AGBL3: variants seen among roughly 807,000 people sequenced by gnomAD.
The protein encoded by AGBL3 is cytosolic carboxypeptidase 3.
In AGBL3, 68 loss-of-function variants were observed where a neutral mutation model predicts 94.5. The observed-to-expected ratio is 0.72, with a 90% confidence interval of 0.59 to 0.88. The LOEUF (loss-of-function observed/expected upper bound fraction) is 0.88, where lower values mean the gene tolerates loss of function less well. Among genes scored for constraint, AGBL3 ranks in the 40% least tolerant of loss-of-function variants. The pLI is 0.00. For synonymous variants in AGBL3, 354 were observed against 370.7 expected, an observed-to-expected ratio of 0.95 and a Z score of 0.52; for missense variants, 934 against 1,103.8, an observed-to-expected ratio of 0.85 and a Z score of 2.18.
chr7:135,090,215 C>T (rs1394096178), intron 15 of AGBL3, among the ~76,000 whole-genome samples: 2 of 152,166 alleles, frequency 1.3e-5, no homozygotes, highest in African/African-American at 4.8e-5. Flanking sequence ...ATATCACAGA[C>T]TCTGTGAGGC....
At chr7:135,030,158 T>TAAAAAAAAAAAAAAA (rs74392929) in intron 5 of AGBL3, among the ~76,000 whole-genome samples, 1 of 117,424 alleles carries the variant, frequency 8.5e-6, no homozygotes, top group African/African-American at 3.1e-5. Flanking sequence ...TTTAATTTGT[T>TAAAAAAAAAAAAAAA]AAAAAAAAAA....
intron 13 of AGBL3, among the ~76,000 whole-genome samples, chr7:135,076,799 CAG>C (rs34530228): frequency 0.44 from 66,296 of 151,380 alleles, 15,117 homozygotes; most frequent in East Asian, 0.77. Flanking sequence ...AAAATAAAAA[CAG>C]TGGTACTGAA....
chr7:135,107,986 T>TA (rs1427920566), intron 15 of AGBL3, among the ~76,000 whole-genome samples: 1 of 152,106 alleles, frequency 6.6e-6, no homozygotes, highest in Admixed American at 6.5e-5. Flanking sequence ...CTTTTTTTTT[T>TA]ATCTTTGTTG....
rs546049440 is a variant in AGBL3, at chr7:135,002,735, C to T, written c.310+9057C>T. Among the ~76,000 whole-genome samples the T allele has an allele frequency of 9.2e-5, 14 of 152,258 alleles. 1 individual carries two copies. In the South Asian group the frequency reaches 2.9e-3, roughly 32 times the overall value. On this transcript the variant is annotated intron_variant, in intron 4 of 16. Coordinates refer to ENST00000436302, the MANE Select transcript of AGBL3 (RefSeq NM_178563.4). ...GCTGCACAATGAGAGTACCTATTTT[C>T]CCATACTCTCATCAATACTGTTAAT...
intron 11 of AGBL3, among the ~76,000 whole-genome samples, chr7:135,055,307 C>T (rs1330592374): frequency 6.6e-6 from 1 of 152,132 alleles, no homozygotes; most frequent in Non-Finnish European, 1.5e-5. Flanking sequence ...CTAGAACTTC[C>T]AGTATGATAC....
At chr7:135,048,825 A>C (rs1817616004) in intron 11 of AGBL3, among the ~76,000 whole-genome samples, 1 of 151,282 alleles carries the variant, frequency 6.6e-6, no homozygotes, top group Non-Finnish European at 1.5e-5. Flanking sequence ...GGAAACAGGG[A>C]CAATTTTACT....
At chr7:135,040,299 C>A (rs12707200) in intron 8 of AGBL3, among the ~76,000 whole-genome samples, 67,383 of 151,956 alleles carry the variant, frequency 0.44, 15,570 homozygotes, top group East Asian at 0.78. Context: ...GATACCAACA[C>A]AAGACAAACA....
At chr7:135,054,113 C>A (rs1038948967) in intron 11 of AGBL3, among the ~76,000 whole-genome samples, 1 of 152,180 alleles carries the variant, frequency 6.6e-6, no homozygotes, top group African/African-American at 2.4e-5. Context: ...TGGCAGCCTT[C>A]TATATAATTT....
chr7:135,051,086 GA>G, intron 11 of AGBL3: 1 of 415,902 alleles, frequency 2.4e-6, no homozygotes. Flanking sequence ...ATAATAACTG[GA>G]AAATTCAATG....
At chr7:135,019,902 AAAATT>A (rs1228444238) in intron 5 of AGBL3, among the ~76,000 whole-genome samples, 1 of 152,256 alleles carries the variant, frequency 6.6e-6, no homozygotes, top group Non-Finnish European at 1.5e-5. Context: ...ACATTATACA[AAAATT>A]AATTTAAGAT....
In AGBL3 at chr7:135,032,997, T is replaced by C. The variant is rs1277174963; in HGVS notation, c.557+15T>C. 1 of 1,536,704 alleles carries C rather than the reference T, an allele frequency of 6.5e-7. No individual in the cohort carries two copies. Among genetic ancestry groups the C allele is most frequent in the Non-Finnish European group, 8.8e-7 (1 of 1,141,034 alleles). ...GTAGTCAAAGTGTAGGTTCTAATTA[T>C]TTTTATTTAAGGAGCTAGACCATCA... is the stretch of plus-strand genomic sequence containing the variant. On this transcript the variant is annotated intron_variant, in intron 6 of 16. Coordinates refer to ENST00000436302, the MANE Select transcript of AGBL3 (RefSeq NM_178563.4).
At chr7:135,068,312 C>A (rs1819553554) in intron 12 of AGBL3, among the ~76,000 whole-genome samples, 1 of 152,152 alleles carries the variant, frequency 6.6e-6, no homozygotes, top group African/African-American at 2.4e-5. Flanking sequence ...AAACACTCTG[C>A]AGGATATTAT....
intron 5 of AGBL3, among the ~76,000 whole-genome samples, chr7:135,031,253 T>TA (rs1815711454): frequency 6.6e-6 from 1 of 152,064 alleles, no homozygotes; most frequent in South Asian, 2.1e-4. Flanking sequence ...TATTATATTC[T>TA]TTTATTTATT....
chr7:135,034,165 CAATTG>C lies in AGBL3; in HGVS notation c.576_580del (p.Gln192HisfsTer5). 1 of 1,547,628 alleles carries C rather than the reference CAATTG, an allele frequency of 6.5e-7. No homozygotes were observed. The highest frequency in any genetic ancestry group is 8.7e-7 in the Non-Finnish European group (1 of 1,144,832). Reference sequence around the variant, plus strand: ...GTGTATTAGGGCAGAATACGAATACCAATTGACTGTACGCCCTGACCTCTTCACAA... The same window carrying C: ...GTGTATTAGGGCAGAATACGAATACCACTGTACGCCCTGACCTCTTCACAA... On this transcript the variant is annotated frameshift_variant, in exon 7 of 17. Coordinates refer to ENST00000436302, the MANE Select transcript of AGBL3 (RefSeq NM_178563.4). LOFTEE classifies it high-confidence loss of function.
chr7:135,079,458 G>GTTGTTT (rs1471862659), intron 13 of AGBL3, among the ~76,000 whole-genome samples: 2 of 151,684 alleles, frequency 1.3e-5, no homozygotes, highest in Non-Finnish European at 2.9e-5. Flanking sequence ...TTTATTGTGG[G>GTTGTTT]TTGTTTTTGT....
chr7:135,015,302 A>G (rs1249454350), intron 4 of AGBL3, among the ~76,000 whole-genome samples: 1 of 152,206 alleles, frequency 6.6e-6, no homozygotes, highest in Non-Finnish European at 1.5e-5. Flanking sequence ...ACGTTTATGC[A>G]GTAGACGTAT....
chr7:134,998,296 C>T (rs1371925762), intron 4 of AGBL3, among the ~76,000 whole-genome samples: 2 of 152,186 alleles, frequency 1.3e-5, no homozygotes, highest in East Asian at 1.9e-4. Flanking sequence ...ACCTTTTCAG[C>T]TTCTAAGAGT....
chr7:135,016,174 G>A (rs1248459519), intron 4 of AGBL3, among the ~76,000 whole-genome samples: 13 of 152,224 alleles, frequency 8.5e-5, no homozygotes, highest in African/African-American at 3.1e-4. Context: ...TTCAACTAAT[G>A]AGATTTTTAA....
In AGBL3 at chr7:135,115,637, TTATC is replaced by T. The variant is rs371770007; in HGVS notation, c.2342+30_2342+33del. ...GTAAGTCAATACAATTTTATCACTC[TTATC>T]TATTTAACACATCTTTTTTAAAAAA... is the stretch of plus-strand genomic sequence containing the variant. On this transcript the variant is annotated intron_variant, in intron 16 of 16. Transcript: ENST00000436302. 2.6e-4 allele frequency: 389 copies of T among 1,476,234 alleles called. 2 individuals are homozygous for T. In the East Asian group the frequency reaches 7.9e-3, roughly 30 times the overall value. The allele number at this position is 1,476,234 out of a possible 1,614,324, so 91.4% of individuals were successfully genotyped here. A position where few individuals can be genotyped will look rare whatever the true frequency, so the allele number is the denominator to read the frequency against.
Sources: allele counts gnomAD v4.1 joint callset (sites outside exome capture counted in the v4.1 genomes callset), GRCh38; gene constraint gnomAD v4.1.1; transcripts MANE v1.5; gene names NCBI Gene and HGNC (gene_info 2026-07-23, HGNC 2026-07-21).